TOX: variants seen among roughly 807,000 people sequenced by gnomAD.
TOX encodes thymocyte selection associated high mobility group box.
In TOX, 11 loss-of-function variants were observed where a neutral mutation model predicts 53.7. That is an observed-to-expected ratio of 0.20 (90% CI 0.13 to 0.34). The LOEUF (loss-of-function observed/expected upper bound fraction) is 0.34. TOX is among the 10% of genes least tolerant of loss of function. TOX has a pLI of 1.00. For synonymous variants in TOX, 225 were observed against 245.3 expected, an observed-to-expected ratio of 0.92 and a Z score of 0.77; for missense variants, 570 against 664.6, an observed-to-expected ratio of 0.86 and a Z score of 1.56.
chr8:59,069,541 G>T (rs1318980982), intron 1 of TOX, among the ~76,000 whole-genome samples: 4 of 152,126 alleles, frequency 2.6e-5, no homozygotes, highest in Admixed American at 6.5e-5. Flanking sequence ...ATTTATTTGG[G>T]ATCGATCACC....
Position 59,009,323 on chromosome 8 carries a change from T to TTTCC in TOX, c.103-49319_103-49316dup. Among the ~76,000 whole-genome samples, 3 of 151,564 alleles carry TTTCC rather than the reference T, an allele frequency of 2.0e-5. No individual in the cohort carries two copies. In the South Asian group the frequency reaches 6.3e-4, roughly 32 times the overall value. Reference sequence around the variant, plus strand: ...TCTCCTCTCTTTCCTTCTTTCCTTCTTTCCTTCCTTCCTTCCTTTCCTTCC... The same window carrying TTTCC: ...TCTCCTCTCTTTCCTTCTTTCCTTCTTTCCTTCCTTCCTTCCTTCCTTTCCTTCC... On this transcript the variant is annotated intron_variant, in intron 1 of 8. Coordinates refer to ENST00000361421, the MANE Select transcript of TOX (RefSeq NM_014729.3).
intron 1 of TOX, among the ~76,000 whole-genome samples, chr8:58,978,219 A>G (rs1813140016): frequency 6.6e-6 from 1 of 152,252 alleles, no homozygotes. Context: ...AGATAGTCCC[A>G]GGAAATTCAC....
chr8:58,971,957 C>T (rs1813010714), intron 1 of TOX, among the ~76,000 whole-genome samples: 1 of 152,162 alleles, frequency 6.6e-6, no homozygotes, highest in African/African-American at 2.4e-5. Context: ...TCCCAAAGTG[C>T]TGGGATTACA....
chr8:59,023,165 T>C (rs974458908), intron 1 of TOX, among the ~76,000 whole-genome samples: 2 of 152,194 alleles, frequency 1.3e-5, no homozygotes, highest in African/African-American at 2.4e-5. Context: ...AAGAAGACTT[T>C]TGAGCCTATA....
intron 3 of TOX, among the ~76,000 whole-genome samples, chr8:58,865,788 T>C (rs1449660443): frequency 1.3e-5 from 2 of 151,970 alleles, no homozygotes; most frequent in East Asian, 1.9e-4. Context: ...CATTTTGTCA[T>C]TTCACTATCT....
intron 3 of TOX, among the ~76,000 whole-genome samples, chr8:58,894,308 G>A (rs555256916): frequency 3.9e-5 from 6 of 152,266 alleles, no homozygotes; most frequent in South Asian, 2.1e-4. Context: ...ACAGCTCAGC[G>A]GGAAAGGTTC....
Position 58,851,929 on chromosome 8 carries a change from C to T in TOX, c.412-124G>A. The T allele has an allele frequency of 1.2e-6, 1 of 864,490 alleles. No homozygotes were observed. Among genetic ancestry groups the T allele is most frequent in the Non-Finnish European group, 1.5e-6 (1 of 667,322 alleles). 53.6% of individuals were successfully genotyped at this position (864,490 alleles called of 1,614,324 possible). A position where few individuals can be genotyped will look rare whatever the true frequency, so the allele number is the denominator to read the frequency against. On this transcript the variant is annotated intron_variant, in intron 3 of 8. Transcript: ENST00000361421. This position sits in a 1 kb window ranked among gnomAD's most constrained non-coding sequence, Gnocchi z 4.4. ...GATTTCCAGATGTTCTGCTGAGTTA[C>T]ATACACATTTATTTTATCTGGGGTA...
intron 3 of TOX, among the ~76,000 whole-genome samples, chr8:58,884,306 G>A (rs375544995): frequency 5.9e-5 from 9 of 152,160 alleles, no homozygotes; most frequent in East Asian, 5.8e-4. Context: ...TGATTTTTCC[G>A]CCAAATGGAA....
intron 1 of TOX, among the ~76,000 whole-genome samples, chr8:58,965,950 C>T (rs1434553284): frequency 9.1e-6 from 1 of 109,376 alleles, no homozygotes; most frequent in Admixed American, 1.4e-4. Context: ...TAAGGTTGGG[C>T]AATGAAGACT....
chr8:58,874,816 C>T (rs529099735), intron 3 of TOX, among the ~76,000 whole-genome samples: 7 of 152,090 alleles, frequency 4.6e-5, no homozygotes, highest in Non-Finnish European at 1.0e-4. Context: ...GGTGTCCAAT[C>T]TTTTGGCTTC....
At chr8:58,826,749 G>T in intron 6 of TOX, 73 bp downstream of exon 6, 5 of 1,267,012 alleles carry the variant, frequency 3.9e-6, no homozygotes, top group Middle Eastern at 2.0e-4. Context: ...GATCTTTTAT[G>T]CCTTTAAGTG....
intron 1 of TOX, among the ~76,000 whole-genome samples, chr8:59,084,053 T>C (rs1191936185): frequency 1.3e-5 from 2 of 152,188 alleles, no homozygotes; most frequent in Non-Finnish European, 2.9e-5. Context: ...TATAAAGAAA[T>C]GTTATGAGAG....
chr8:58,951,242 C>T (rs576446757), intron 2 of TOX, among the ~76,000 whole-genome samples: 2 of 152,244 alleles, frequency 1.3e-5, no homozygotes, highest in South Asian at 4.1e-4. Context: ...CCTCTCTAAT[C>T]CTCACTGAAT....
At chr8:58,941,469 T>C (rs1188426980) in intron 2 of TOX, among the ~76,000 whole-genome samples, 1 of 152,210 alleles carries the variant, frequency 6.6e-6, no homozygotes, top group Non-Finnish European at 1.5e-5. Flanking sequence ...GATAAATATA[T>C]CATAAAAGAT....
intron 1 of TOX, among the ~76,000 whole-genome samples, chr8:59,023,692 G>T (rs1008821005): frequency 3.9e-5 from 6 of 152,170 alleles, no homozygotes; most frequent in African/African-American, 1.4e-4. Flanking sequence ...TCAAGTAAAT[G>T]CATTTCACTT....
chr8:59,097,838 T>G (rs1804737984), intron 1 of TOX, among the ~76,000 whole-genome samples: 1 of 152,232 alleles, frequency 6.6e-6, no homozygotes, highest in Non-Finnish European at 1.5e-5. Flanking sequence ...GCATAAAGAT[T>G]ATCTCTGGTA....
rs146014105 is a variant in TOX at position 59,092,192 on chromosome 8, C to T, written c.102+26694G>A. ...ACTTGAACCCAGGAGGTAGAGGTTG[C>T]AGTGAGTCGAGATCGCGCCACTGCA... On this transcript the variant is annotated intron_variant, in intron 1 of 8. Coordinates refer to ENST00000361421, the MANE Select transcript of TOX (RefSeq NM_014729.3). 2.2e-3 allele frequency among the ~76,000 whole-genome samples: 318 copies of T among 146,622 alleles called. 8 individuals carry two copies. The East Asian group carries it at 0.059, about 27-fold the overall frequency.
chr8:58,989,298 A>G (rs144333746), intron 1 of TOX, among the ~76,000 whole-genome samples: 5,162 of 151,994 alleles, frequency 0.034, 246 homozygotes, highest in South Asian at 0.098. Flanking sequence ...CCTGGGTGAC[A>G]GAGCGAGACT....
chr8:58,893,213 C>CCG (rs1020618647), intron 3 of TOX, among the ~76,000 whole-genome samples: 3 of 151,828 alleles, frequency 2.0e-5, no homozygotes, highest in African/African-American at 7.3e-5. Flanking sequence ...CATAATCTCC[C>CCG]CCCCACAAAA....
Sources: allele counts gnomAD v4.1 joint callset (sites outside exome capture counted in the v4.1 genomes callset), GRCh38; gene constraint gnomAD v4.1.1; non-coding constraint Gnocchi (gnomAD v3.1); transcripts MANE v1.5; gene names NCBI Gene and HGNC (gene_info 2026-07-23, HGNC 2026-07-21).